The following ERG variants were observed in gnomAD, a reference collection of about 807,000 sequenced individuals.
ERG encodes ETS transcription factor ERG.
In ERG, 9 loss-of-function variants were observed where a neutral mutation model predicts 55.3. The ratio of observed to expected loss-of-function variants is 0.16; its 90% CI spans 0.10 to 0.28. ERG has a LOEUF of 0.28. Among genes scored for constraint, ERG ranks in the 10% least tolerant of loss-of-function variants. The pLI is 1.00. For synonymous variants in ERG, 223 were observed against 237.3 expected (o/e 0.94, Z 0.55); for missense variants, 434 against 631.6 (o/e 0.69, Z 3.35).
At chr21:38,517,498 T>C (rs1443785931) in intron 2 of ERG, among the ~76,000 whole-genome samples, 3 of 152,158 alleles carry the variant, frequency 2.0e-5, no homozygotes, top group African/African-American at 7.2e-5. Flanking sequence ...GGAACTCTTC[T>C]ACACTGTGAG....
At chr21:38,403,940 T>A (rs1730871491) in intron 3 of ERG, among the ~76,000 whole-genome samples, 3 of 152,220 alleles carry the variant, frequency 2.0e-5, no homozygotes, top group Non-Finnish European at 4.4e-5. Context: ...ATTATTCACA[T>A]CACATGCCCT....
the ERG span, among the ~76,000 whole-genome samples, chr21:38,374,250 C>A: frequency 6.6e-6 from 1 of 152,250 alleles, no homozygotes; most frequent in Admixed American, 6.5e-5. Context: ...TACACTGACA[C>A]ACAGATATTC....
chr21:38,477,206 G>A (rs2059197233), intron 1 of ERG, among the ~76,000 whole-genome samples: 1 of 151,878 alleles, frequency 6.6e-6, no homozygotes, highest in Non-Finnish European at 1.5e-5. Context: ...TAGAGACAAG[G>A]TTTCACCATG....
chr21:38,648,214 A>G (rs997534599), intron 1 of ERG, among the ~76,000 whole-genome samples: 13 of 152,144 alleles, frequency 8.5e-5, no homozygotes, highest in Non-Finnish European at 1.3e-4. Flanking sequence ...ACTAATTCTG[A>G]TCCTCATTTC....
intron 2 of ERG, among the ~76,000 whole-genome samples, chr21:38,525,228 G>T (rs1158921429): frequency 2.0e-5 from 3 of 152,060 alleles, no homozygotes; most frequent in African/African-American, 7.2e-5. Flanking sequence ...AAGATCACAC[G>T]TGGTGTAGCT....
downstream of ERG, among the ~76,000 whole-genome samples, chr21:38,378,074 A>G (rs899028242): frequency 6.6e-6 from 1 of 152,148 alleles, no homozygotes; most frequent in South Asian, 2.1e-4. Context: ...ACATAATTCA[A>G]TTTGGGGTGA....
chr21:38,627,317 G>C (rs981612361), intron 1 of ERG, among the ~76,000 whole-genome samples: 1 of 152,030 alleles, frequency 6.6e-6, no homozygotes, highest in Non-Finnish European at 1.5e-5. Context: ...GGAAATGTTC[G>C]GTGAATCTGT....
At position 38,460,106 on chromosome 21, in the gene ERG, A is replaced by G. The variant is rs927697689; in HGVS notation, c.19-14485T>C. On this transcript the variant is annotated intron_variant, in intron 1 of 9. Coordinates refer to ENST00000288319, the MANE Select transcript of ERG (RefSeq NM_182918.4). This position sits in a 1 kb window ranked among gnomAD's most constrained non-coding sequence, Gnocchi z 5.0. ...GGAGGGTGTGAGCCCCCATGCATTC[A>G]TGAAGAATAGGCCTTCCAGCCTTGG... Among the ~76,000 whole-genome samples the G allele has an allele frequency of 1.4e-4, 22 of 152,200 alleles. No homozygotes were observed. The highest frequency in any genetic ancestry group is 4.8e-4 in the African/African-American group (20 of 41,438).
chr21:38,622,423 C>CT (rs2060296506), intron 1 of ERG, among the ~76,000 whole-genome samples: 1 of 23,150 alleles, frequency 4.3e-5, no homozygotes, highest in African/African-American at 2.2e-4. Context: ...ACATATCACA[C>CT]ACACACACAC....
chr21:38,550,796 T>C (rs2212602), intron 2 of ERG, among the ~76,000 whole-genome samples: 76,716 of 152,008 alleles, frequency 0.5, 20,675 homozygotes, highest in Non-Finnish European at 0.62. Flanking sequence ...GATGGGATCA[T>C]TGCAAATGGG....
chr21:38,613,442 C>A lies in ERG; in HGVS notation c.-149-28497G>T, dbSNP rs1048532104. Reference sequence around the variant, plus strand: ...ATCGTAACTACTGTGAAAAGCAGTCCTTATAGAAATCATGACGTTCTTTTC... The same window carrying A: ...ATCGTAACTACTGTGAAAAGCAGTCATTATAGAAATCATGACGTTCTTTTC... On this transcript the variant is annotated intron_variant, in intron 1 of 10. Transcript: ENST00000398910. Among the ~76,000 whole-genome samples, 3 of 152,188 alleles carry A rather than the reference C, an allele frequency of 2.0e-5. No homozygotes were observed. In the East Asian group the frequency reaches 5.8e-4, roughly 29 times the overall value.
intron 1 of ERG, among the ~76,000 whole-genome samples, chr21:38,607,748 A>G (rs2836570): frequency 0.071 from 10,884 of 152,282 alleles, 694 homozygotes; most frequent in African/African-American, 0.17. Context: ...AAGCATTGAT[A>G]CAATTAAAGA....
At chr21:38,648,992 G>A (rs559186496) in intron 1 of ERG, among the ~76,000 whole-genome samples, 1 of 152,262 alleles carries the variant, frequency 6.6e-6, no homozygotes, top group East Asian at 1.9e-4. Context: ...ATGCTTAGAT[G>A]CCTTCATGAG....
chr21:38,453,365 A>G (rs1054407378), intron 1 of ERG, among the ~76,000 whole-genome samples: 1 of 152,256 alleles, frequency 6.6e-6, no homozygotes, highest in African/African-American at 2.4e-5. Flanking sequence ...AAGAATAGTT[A>G]TGTCCACATA....
intron 1 of ERG, among the ~76,000 whole-genome samples, chr21:38,631,165 T>C (rs2060354101): frequency 6.6e-6 from 1 of 152,108 alleles, no homozygotes; most frequent in African/African-American, 2.4e-5. Flanking sequence ...CACACCCTCT[T>C]CCAATTCCTT....
chr21:38,434,122 C>T (rs1375768208), intron 2 of ERG, among the ~76,000 whole-genome samples: 1 of 152,196 alleles, frequency 6.6e-6, no homozygotes, highest in East Asian at 1.9e-4. Context: ...AGTGATCTGG[C>T]TCTGGAGCCC....
intron 6 of ERG, among the ~76,000 whole-genome samples, chr21:38,395,732 G>T (rs142153030): frequency 1.1e-4 from 16 of 152,260 alleles, no homozygotes; most frequent in African/African-American, 2.6e-4. Context: ...CAACTGTGTC[G>T]ATTTCCTGGG....
At position 38,380,483 on chromosome 21, in the gene ERG, A is replaced by C; in HGVS notation, c.*2920T>G. The C allele has an allele frequency of 9.4e-7, 1 of 1,065,276 alleles. No individual in the cohort carries two copies. The highest frequency in any genetic ancestry group is 5.3e-5 in the Admixed American group (1 of 18,746). The allele number at this position is 1,065,276 out of a possible 1,614,324, so 66.0% of individuals were successfully genotyped here. ...CCGAAAGCCAATTGAAGACAAGAAA[A>C]GAAGACAAATCTCTTGCCAGCAGGA... On this transcript the variant is annotated 3_prime_UTR_variant, in exon 10 of 10. Coordinates refer to ENST00000288319, the MANE Select transcript of ERG (RefSeq NM_182918.4).
chr21:38,450,794 C>T (rs2058934403), intron 1 of ERG: 1 of 413,670 alleles, frequency 2.4e-6, no homozygotes, highest in African/African-American at 2.1e-5. Flanking sequence ...AGCATTTCTT[C>T]TTCTCTGATG....
Sources: allele counts gnomAD v4.1 joint callset (sites outside exome capture counted in the v4.1 genomes callset), GRCh38; gene constraint gnomAD v4.1.1; non-coding constraint Gnocchi (gnomAD v3.1); transcripts MANE v1.5; gene names NCBI Gene and HGNC (gene_info 2026-07-23, HGNC 2026-07-21).